PCDH15: variants seen among roughly 807,000 people sequenced by gnomAD.
PCDH15 encodes the protein protocadherin-15.
A neutral mutation model predicts 178.5 loss-of-function variants in PCDH15; 129 were observed. That is an observed-to-expected ratio of 0.72 (90% CI 0.63 to 0.84). The LOEUF (loss-of-function observed/expected upper bound fraction) is 0.84. PCDH15 is among the 40% of genes least tolerant of loss of function. The pLI, the probability that PCDH15 is intolerant of heterozygous loss-of-function variation, is 0.00. For synonymous variants in PCDH15, 800 were observed against 732.0 expected, an observed-to-expected ratio of 1.09 and a Z score of -1.50; for missense variants, 2,230 against 2,099.9, an observed-to-expected ratio of 1.06 and a Z score of -1.21.
chr10:53,893,483 A>G (rs993029710), intron 26 of PCDH15, among the ~76,000 whole-genome samples: 2 of 152,254 alleles, frequency 1.3e-5, no homozygotes, highest in African/African-American at 4.8e-5. Flanking sequence ...TATATGAAAA[A>G]GGTACTTGCA....
chr10:53,808,974 T>C lies in PCDH15; in HGVS notation c.4671+1582A>G, dbSNP rs775141783. On this transcript the variant is annotated intron_variant, in intron 37 of 37. Transcript: ENST00000644397. ...TTTCTTCTTCTTCTGAGTGTTCTTC[T>C]TCTTCCATCTTAGGTTCTTTTTGTT... The C allele has an allele frequency of 3.8e-6, 6 of 1,559,630 alleles. No homozygotes were observed. The African/African-American group carries it at 5.4e-5, about 14-fold the overall frequency.
chr10:53,842,486 A>T (rs1488510478), intron 28 of PCDH15, among the ~76,000 whole-genome samples: 1 of 152,046 alleles, frequency 6.6e-6, no homozygotes, highest in Non-Finnish European at 1.5e-5. Context: ...ACCTCAAGTG[A>T]TCCGCCCGCC....
At chr10:54,723,447 C>A (rs1039725812) in intron 1 of PCDH15, among the ~76,000 whole-genome samples, 1 of 151,528 alleles carries the variant, frequency 6.6e-6, no homozygotes, top group Non-Finnish European at 1.5e-5. Flanking sequence ...TAAAATCCTA[C>A]AAGAAAACCT....
chr10:54,299,886 C>G (rs574914554), intron 8 of PCDH15, among the ~76,000 whole-genome samples: 3 of 152,252 alleles, frequency 2.0e-5, no homozygotes, highest in East Asian at 3.9e-4. Flanking sequence ...ATGGACTGAA[C>G]GAGGTTTTCA....
intron 18 of PCDH15, among the ~76,000 whole-genome samples, chr10:54,027,739 T>C (rs1027812858): frequency 3.4e-5 from 5 of 147,146 alleles, no homozygotes; most frequent in Non-Finnish European, 7.4e-5. Flanking sequence ...GCTAGCCATA[T>C]GGAGAAAGCT....
At chr10:53,902,616 TA>T (rs1338644572) in intron 26 of PCDH15, among the ~76,000 whole-genome samples, 4 of 152,136 alleles carry the variant, frequency 2.6e-5, no homozygotes, top group Non-Finnish European at 5.9e-5. Flanking sequence ...GAAATAGTCA[TA>T]AACATTTGAT....
At chr10:55,348,739 A>T (rs1844829579) in intron 2 of PCDH15, among the ~76,000 whole-genome samples, 1 of 152,124 alleles carries the variant, frequency 6.6e-6, no homozygotes, top group Non-Finnish European at 1.5e-5. Flanking sequence ...ATGTGCTGAG[A>T]CAGGGTTTTT....
At chr10:55,548,946 G>T (rs985295941) in intron 2 of PCDH15, among the ~76,000 whole-genome samples, 6 of 152,020 alleles carry the variant, frequency 3.9e-5, no homozygotes, top group African/African-American at 9.7e-5. Flanking sequence ...GAAAACAAAA[G>T]AATAATTTTA....
chr10:55,143,399 T>G (rs1441952112), intron 2 of PCDH15, among the ~76,000 whole-genome samples: 2 of 152,108 alleles, frequency 1.3e-5, no homozygotes, highest in East Asian at 3.9e-4. Context: ...TTAAATTATT[T>G]TGAGTTACTA....
At chr10:55,180,507 CCATCTATT>C (rs1331422216) in intron 1 of PCDH15, among the ~76,000 whole-genome samples, 1 of 152,088 alleles carries the variant, frequency 6.6e-6, no homozygotes, top group Non-Finnish European at 1.5e-5. Context: ...ATTCACTTGT[CCATCTATT>C]CAACAGTGAT....
chr10:55,488,961 A>C (rs1840357706), intron 2 of PCDH15, among the ~76,000 whole-genome samples: 1 of 151,532 alleles, frequency 6.6e-6, no homozygotes, highest in Non-Finnish European at 1.5e-5. Flanking sequence ...ATATTTCAAG[A>C]AGTTTAGTAC....
chr10:54,262,206 C>T (rs926758242), intron 8 of PCDH15, among the ~76,000 whole-genome samples: 14 of 152,232 alleles, frequency 9.2e-5, no homozygotes, highest in East Asian at 1.9e-4. Flanking sequence ...GGTGCAGCTG[C>T]AGCAAAATGC....
intron 3 of PCDH15, among the ~76,000 whole-genome samples, chr10:54,507,624 C>A (rs544929581): frequency 1.3e-5 from 2 of 151,770 alleles, no homozygotes; most frequent in African/African-American, 2.4e-5. Flanking sequence ...TCACATCAAG[C>A]GGTAATGGTG....
At chr10:54,535,744 G>A (rs769016007) in intron 2 of PCDH15, among the ~76,000 whole-genome samples, 2 of 146,262 alleles carry the variant, frequency 1.4e-5, no homozygotes, top group Non-Finnish European at 3.0e-5. Flanking sequence ...AGAAGTTTAA[G>A]GTTCTAGGGG....
At chr10:54,862,672 T>C (rs1313363909) in intron 3 of PCDH15, among the ~76,000 whole-genome samples, 1 of 152,158 alleles carries the variant, frequency 6.6e-6, no homozygotes, top group East Asian at 1.9e-4. Flanking sequence ...ATGAATTAGT[T>C]CCCTTAAAAG....
chr10:54,327,524 A>C (rs558172296), intron 7 of PCDH15, among the ~76,000 whole-genome samples: 7 of 151,336 alleles, frequency 4.6e-5, no homozygotes, highest in African/African-American at 7.3e-5. Context: ...AGCTTCAAAA[A>C]TTAGATCTAT....
intron 29 of PCDH15, among the ~76,000 whole-genome samples, chr10:53,839,202 CAAAAAA>C (rs758823713): frequency 1.3e-5 from 1 of 74,618 alleles, no homozygotes; most frequent in Non-Finnish European, 2.5e-5. Flanking sequence ...GTCTCCGTCT[CAAAAAA>C]AAAAAAAAAA....
Position 54,459,140 on chromosome 10 carries a change from A to T in PCDH15, c.157+68672T>A, listed in dbSNP as rs141300360. ...GAGAAACAGAGAAAGAGAGAGAGAG[A>T]GTGTGTCTGTGTGAGTGTGCCCTTG... On this transcript the variant is annotated intron_variant, in intron 3 of 37. Transcript: ENST00000644397. 8.3e-3 allele frequency among the ~76,000 whole-genome samples: 1,255 copies of T among 152,080 alleles called. 14 individuals are homozygous for T. Among genetic ancestry groups the T allele is most frequent in the African/African-American group, 0.029 (1,185 of 41,500 alleles).
intron 2 of PCDH15, chr10:54,656,174 G>A (rs1287940503): frequency 1.3e-5 from 2 of 152,126 alleles, no homozygotes; most frequent in East Asian, 3.9e-4. Flanking sequence ...CTAGTTCTCG[G>A]AAAGATCAAA....
Sources: gnomAD v4.1 joint callset for allele counts (sites outside exome capture counted in the v4.1 genomes callset) on GRCh38, gnomAD v4.1.1 for gene constraint, MANE v1.5 for transcripts, NCBI Gene and HGNC (gene_info 2026-07-23, HGNC 2026-07-21) for gene names.